Variants in IL17B observed in about 807,000 individuals in gnomAD.
IL17B encodes interleukin 17B.
In IL17B, 14 loss-of-function variants were observed where a neutral mutation model predicts 14.7. The ratio of observed to expected loss-of-function variants is 0.95; its 90% CI spans 0.63 to 1.49. IL17B has a LOEUF of 1.49. Among genes scored for constraint, IL17B ranks in the 40% most tolerant of loss-of-function variants. IL17B has a pLI of 0.00. For missense variants in IL17B, 233 were observed against 252.8 expected, an observed-to-expected ratio of 0.92 and a Z score of 0.53; for synonymous variants, 105 against 94.8, an observed-to-expected ratio of 1.11 and a Z score of -0.62.
chr5:149,376,970 T>C lies in IL17B; in HGVS notation c.77A>G (p.Lys26Arg). Residue 26 changes from lysine (K) to arginine (R), a missense_variant, in exon 2 of 3, where the codon AAA (lysine) becomes AGA (arginine). Transcript: ENST00000261796. ...FLGLGQPRSP[K>R]SKRKGQGRPG... ...CCGCCCTTGCCCCTTCCTCTTGCTT[T>C]TGGGGCTCCTGGGCTGGCCCAGCCC... is the stretch of plus-strand genomic sequence containing the variant. 4 of 1,602,536 alleles carry C rather than the reference T, an allele frequency of 2.5e-6. No individual in the cohort carries two copies. Among genetic ancestry groups the C allele is most frequent in the Non-Finnish European group, 3.4e-6 (4 of 1,175,482 alleles).
upstream of IL17B, among the ~76,000 whole-genome samples, chr5:149,381,779 T>C (rs1490931482): frequency 6.6e-6 from 1 of 152,182 alleles, no homozygotes; most frequent in Non-Finnish European, 1.5e-5. Flanking sequence ...GGGTCATCTG[T>C]CCTTTTTGAT....
intron 1 of IL17B, among the ~76,000 whole-genome samples, chr5:149,397,045 G>C (rs186760925): frequency 1.3e-5 from 2 of 152,316 alleles, no homozygotes. Flanking sequence ...CTCTGCACTT[G>C]TACTTGGAGA....
At position 149,374,285 on chromosome 5, in the gene IL17B, G is replaced by A. The variant is rs1296874011; in HGVS notation, c.*84C>T. 3.0e-6 allele frequency: 4 copies of A among 1,333,100 alleles called. No individual in the cohort carries two copies. In the East Asian group the frequency reaches 7.1e-5, roughly 24 times the overall value. The allele number at this position is 1,333,100 out of a possible 1,614,324, so 82.6% of individuals were successfully genotyped here. A position where few individuals can be genotyped will look rare whatever the true frequency, so the allele number is the denominator to read the frequency against. ...CAAAGTCTTGCTTTCAAAAGTCAGT[G>A]TTTACTTTTCATAGGCCTTTCTTGG... On this transcript the variant is annotated 3_prime_UTR_variant, in exon 3 of 3. Coordinates refer to ENST00000261796, the MANE Select transcript of IL17B (RefSeq NM_014443.3). The surrounding 1 kb of genome is among the most constrained non-coding windows in gnomAD (Gnocchi z 5.0).
At chr5:149,388,660 C>CT (rs957269214) in intron 1 of IL17B, among the ~76,000 whole-genome samples, 61 of 152,298 alleles carry the variant, frequency 4.0e-4, no homozygotes, top group Admixed American at 2.3e-3. Flanking sequence ...ACCCCCAAAT[C>CT]TAAGAGGCTC....
chr5:149,389,235 T>G (rs1320700449), intron 1 of IL17B, among the ~76,000 whole-genome samples: 2 of 152,228 alleles, frequency 1.3e-5, no homozygotes, highest in Non-Finnish European at 2.9e-5. Context: ...TCAGAGAGAT[T>G]CAAAGCTGAG....
intron 1 of IL17B, among the ~76,000 whole-genome samples, chr5:149,377,415 A>C (rs1237365804): frequency 3.3e-5 from 5 of 152,312 alleles, no homozygotes; most frequent in East Asian, 3.9e-4. Flanking sequence ...CTTCAATCTT[A>C]AAGTTTGTGT....
At chr5:149,400,504 C>T (rs1177683676) in intron 1 of IL17B, among the ~76,000 whole-genome samples, 1 of 152,162 alleles carries the variant, frequency 6.6e-6, no homozygotes, top group Non-Finnish European at 1.5e-5. Context: ...CACAACCGGT[C>T]GCTGGCTTTG....
intron 2 of IL17B, among the ~76,000 whole-genome samples, chr5:149,376,408 G>A (rs1758536352): frequency 6.6e-6 from 1 of 152,202 alleles, no homozygotes; most frequent in African/African-American, 2.4e-5. Flanking sequence ...GGCGTCCGAG[G>A]CCCACAGAGC....
chr5:149,388,626 CAAGTTGCACTGCAGT>C (rs1439388829), intron 1 of IL17B, among the ~76,000 whole-genome samples: 1 of 152,230 alleles, frequency 6.6e-6, no homozygotes, highest in East Asian at 1.9e-4. Flanking sequence ...CAGTATAGGC[CAAGTTGCACTGCAGT>C]AACAAGCAAC....
upstream of IL17B, among the ~76,000 whole-genome samples, chr5:149,384,123 T>A (rs1758768403): frequency 6.6e-6 from 1 of 152,236 alleles, no homozygotes; most frequent in Non-Finnish European, 1.5e-5. Flanking sequence ...GGATGCACAG[T>A]CCATTTTTTA....
intron 1 of IL17B, among the ~76,000 whole-genome samples, chr5:149,399,781 A>G (rs1027245729): frequency 6.6e-6 from 1 of 152,158 alleles, no homozygotes. Context: ...CCCCAGGTGC[A>G]TGTGCTCAGT....
chr5:149,374,668 C>A lies in IL17B; in HGVS notation c.312-68G>T. On this transcript the variant is annotated intron_variant, in intron 2 of 2. Coordinates refer to ENST00000261796, the MANE Select transcript of IL17B (RefSeq NM_014443.3). This position sits in a 1 kb window ranked among gnomAD's most constrained non-coding sequence, Gnocchi z 5.0. ...AAAGGGCCAGTCAGCACCCATACTCCACACCCCTGCCTTTCCTAATCAGAG... is the reference window on the plus strand; with the variant it reads ...AAAGGGCCAGTCAGCACCCATACTCAACACCCCTGCCTTTCCTAATCAGAG... 1 of 1,202,872 alleles carries A rather than the reference C, an allele frequency of 8.3e-7. No individual in the cohort carries two copies. Among genetic ancestry groups the A allele is most frequent in the South Asian group, 1.4e-5 (1 of 72,218 alleles). 74.5% of individuals were successfully genotyped at this position (1,202,872 alleles called of 1,614,324 possible).
At chr5:149,399,305 T>A (rs1244486287) in intron 1 of IL17B, among the ~76,000 whole-genome samples, 1 of 152,156 alleles carries the variant, frequency 6.6e-6, no homozygotes. Flanking sequence ...AGCAAGTTAG[T>A]GGCACAACTG....
chr5:149,376,038 T>C (rs1306368891), intron 2 of IL17B, among the ~76,000 whole-genome samples: 4 of 152,192 alleles, frequency 2.6e-5, no homozygotes, highest in Admixed American at 1.3e-4. Context: ...TCAGGGTATA[T>C]GTCATGTGGC....
intron 1 of IL17B, among the ~76,000 whole-genome samples, chr5:149,386,704 T>C (rs1469121354): frequency 6.6e-6 from 1 of 152,202 alleles, no homozygotes; most frequent in African/African-American, 2.4e-5. Context: ...TGCCAGGCAC[T>C]GGGGATATAG....
chr5:149,379,708 C>T (rs1407307388), upstream of IL17B, among the ~76,000 whole-genome samples: 2 of 152,116 alleles, frequency 1.3e-5, no homozygotes, highest in Non-Finnish European at 2.9e-5. Context: ...CCCCATCTCC[C>T]AGGGAAACAG....
chr5:149,399,337 G>C (rs769601664), intron 1 of IL17B, among the ~76,000 whole-genome samples: 1 of 152,166 alleles, frequency 6.6e-6, no homozygotes, highest in Non-Finnish European at 1.5e-5. Context: ...TGGCCTCCTG[G>C]TTCAGTTCCC....
intron 1 of IL17B, among the ~76,000 whole-genome samples, chr5:149,400,170 A>C (rs1759178675): frequency 1.3e-5 from 2 of 152,206 alleles, no homozygotes; most frequent in South Asian, 4.1e-4. Flanking sequence ...ATATGAGGTC[A>C]GACTGGATTA....
rs1454195412 is a variant in IL17B at position 149,398,098 on chromosome 5, C to T, written n.95+6010G>A. ...AGCCCTTCATCCAGTCAAGTCGATA[C>T]CTAAAATTAAGTCCATAAGTCCACC... On this transcript the variant is annotated intron_variant and non_coding_transcript_variant, in intron 1 of 2. Coordinates refer to the IL17B transcript ENST00000505432. Among the ~76,000 whole-genome samples, 4 of 152,140 alleles carry T rather than the reference C, an allele frequency of 2.6e-5. No homozygotes were observed. In the East Asian group the frequency reaches 5.8e-4, roughly 22 times the overall value.
Sources: allele counts gnomAD v4.1 joint callset (sites outside exome capture counted in the v4.1 genomes callset), GRCh38; gene constraint gnomAD v4.1.1; non-coding constraint Gnocchi (gnomAD v3.1); transcripts MANE v1.5; gene names NCBI Gene and HGNC (gene_info 2026-07-23, HGNC 2026-07-21).